Variants in PLCE1 observed in about 807,000 individuals in gnomAD.
PLCE1 encodes 1-phosphatidylinositol 4,5-bisphosphate phosphodiesterase epsilon-1.
Under a neutral mutation model 242.8 loss-of-function variants are expected in PLCE1, and 119 were observed. The ratio of observed to expected loss-of-function variants is 0.49; its 90% CI spans 0.42 to 0.57. The LOEUF (loss-of-function observed/expected upper bound fraction) is 0.57, where lower values mean the gene tolerates loss of function less well. PLCE1 is among the 20% of genes least tolerant of loss of function. The probability of loss-of-function intolerance (pLI) is 0.00; values close to 1 mark genes in which losing one functional copy is unlikely to be tolerated. For missense variants in PLCE1, 2,441 were observed against 2,788.8 expected, an observed-to-expected ratio of 0.88 and a Z score of 2.81; for synonymous variants, 945 against 1,017.4, an observed-to-expected ratio of 0.93 and a Z score of 1.35.
At chr10:94,114,773 A>T (rs79043313) in intron 2 of PLCE1, among the ~76,000 whole-genome samples, 6,996 of 137,876 alleles carry the variant, frequency 0.051, 499 homozygotes, top group African/African-American at 0.19. Context: ...TTTTTTTTTT[A>T]ATACTTTAAG....
chr10:94,076,409 T>C (rs1461693540), intron 2 of PLCE1, among the ~76,000 whole-genome samples: 2 of 152,158 alleles, frequency 1.3e-5, no homozygotes, highest in African/African-American at 2.4e-5. Flanking sequence ...ATTTCTGAGA[T>C]GTTGCTTTGT....
At chr10:94,173,116 A>T in intron 4 of PLCE1, among the ~76,000 whole-genome samples, 1 of 152,194 alleles carries the variant, frequency 6.6e-6, no homozygotes, top group East Asian at 1.9e-4. Flanking sequence ...GAGAAACTGA[A>T]GTATGTGGAG....
chr10:94,004,814 C>T (rs1000599048), intron 1 of PLCE1, among the ~76,000 whole-genome samples: 2 of 152,214 alleles, frequency 1.3e-5, no homozygotes, highest in African/African-American at 4.8e-5. Context: ...AGCAACTGCC[C>T]ATCTGAGTTT....
intron 4 of PLCE1, among the ~76,000 whole-genome samples, chr10:94,180,767 G>C (rs138689093): frequency 2.6e-5 from 4 of 152,280 alleles, no homozygotes; most frequent in East Asian, 3.9e-4. Context: ...TGGGATTAAG[G>C]CCCTTGTAAA....
chr10:94,075,968 A>T (rs2135169454), intron 2 of PLCE1, among the ~76,000 whole-genome samples: 1 of 152,310 alleles, frequency 6.6e-6, no homozygotes, highest in East Asian at 1.9e-4. Flanking sequence ...CAGCCCTGTG[A>T]GGTGTTACCA....
chr10:94,043,913 C>A (rs559904975), intron 2 of PLCE1, among the ~76,000 whole-genome samples: 2 of 152,140 alleles, frequency 1.3e-5, no homozygotes, highest in African/African-American at 4.8e-5. Flanking sequence ...GAAAGAGGGG[C>A]AGAATATTTG....
At chr10:94,220,907 C>T (rs1450195778) in intron 4 of PLCE1, among the ~76,000 whole-genome samples, 1 of 152,204 alleles carries the variant, frequency 6.6e-6, no homozygotes, top group Non-Finnish European at 1.5e-5. Flanking sequence ...CTACCTCCAG[C>T]GCCGGGCTCC....
chr10:94,248,496 A>G (rs998127073), intron 8 of PLCE1, among the ~76,000 whole-genome samples: 6 of 152,168 alleles, frequency 3.9e-5, no homozygotes, highest in African/African-American at 1.4e-4. Context: ...AGGCTGAGGC[A>G]GGAGAATCGC....
chr10:94,127,505 A>T (rs2046469338), intron 2 of PLCE1, among the ~76,000 whole-genome samples: 1 of 152,168 alleles, frequency 6.6e-6, no homozygotes, highest in South Asian at 2.1e-4. Flanking sequence ...AGCAATCTCC[A>T]ATGTACAGGT....
At chr10:94,154,589 G>C (rs1019869327) in intron 3 of PLCE1, among the ~76,000 whole-genome samples, 2 of 152,050 alleles carry the variant, frequency 1.3e-5, no homozygotes, top group Admixed American at 6.6e-5. Context: ...AGAATATATA[G>C]AGAACTAAAA....
chr10:94,042,217 C>G (rs1253028849), intron 2 of PLCE1, among the ~76,000 whole-genome samples: 1 of 152,118 alleles, frequency 6.6e-6, no homozygotes, highest in Non-Finnish European at 1.5e-5. Context: ...GTGACTCACT[C>G]CCTGACGCTG....
At chr10:94,039,119 T>G (rs1175247179) in intron 2 of PLCE1, among the ~76,000 whole-genome samples, 1 of 152,214 alleles carries the variant, frequency 6.6e-6, no homozygotes, top group Non-Finnish European at 1.5e-5. Flanking sequence ...TATGCCCCAT[T>G]TTATTTATCT....
At chr10:94,184,714 A>G (rs1281078171) in intron 4 of PLCE1, among the ~76,000 whole-genome samples, 1 of 152,184 alleles carries the variant, frequency 6.6e-6, no homozygotes, top group Non-Finnish European at 1.5e-5. Flanking sequence ...GGACATGCCA[A>G]GTTAGTTTTC....
At chr10:94,238,324 T>A (rs2050390085) in intron 7 of PLCE1, among the ~76,000 whole-genome samples, 1 of 152,156 alleles carries the variant, frequency 6.6e-6, no homozygotes, top group African/African-American at 2.4e-5. Context: ...AATCTTGAAA[T>A]GTCAATGGGG....
At chr10:94,212,109 C>T (rs2049353392) in intron 4 of PLCE1, among the ~76,000 whole-genome samples, 1 of 152,178 alleles carries the variant, frequency 6.6e-6, no homozygotes, top group African/African-American at 2.4e-5. Context: ...GAGACTGAGT[C>T]TCCCTCTGTC....
At chr10:94,036,011 A>G (rs1368384327) in intron 2 of PLCE1, among the ~76,000 whole-genome samples, 1 of 152,216 alleles carries the variant, frequency 6.6e-6, no homozygotes, top group African/African-American at 2.4e-5. Context: ...GAATAAGGGC[A>G]ATGTAATGGT....
chr10:94,102,144 A>T lies in PLCE1; in HGVS notation c.1207-30030A>T, dbSNP rs1329832811. The stretch of plus-strand genomic sequence containing the variant: ...AGTAGCAACAATAAGCATCTGTTCT[A>T]TGCCAAGCATTAGGCTATGCCCATT... On this transcript the variant is annotated intron_variant, in intron 2 of 32. Coordinates refer to ENST00000371380, the MANE Select transcript of PLCE1 (RefSeq NM_016341.4). Among the ~76,000 whole-genome samples, 15 of 152,242 alleles carry T rather than the reference A, an allele frequency of 9.9e-5. 1 individual carries two copies. The highest frequency in any genetic ancestry group is 9.8e-4 in the Admixed American group (15 of 15,280).
chr10:94,168,526 G>A (rs994386470), intron 3 of PLCE1, among the ~76,000 whole-genome samples: 8 of 152,090 alleles, frequency 5.3e-5, no homozygotes, highest in East Asian at 1.9e-4. Flanking sequence ...TACTGGGACC[G>A]CCAGATTTAT....
intron 2 of PLCE1, among the ~76,000 whole-genome samples, chr10:94,115,389 T>A (rs2046091247): frequency 6.7e-6 from 1 of 149,202 alleles, no homozygotes; most frequent in African/African-American, 2.4e-5. Context: ...CACCAACAGT[T>A]AAAAGTGTTC....
Sources: gnomAD v4.1 joint callset for allele counts (sites outside exome capture counted in the v4.1 genomes callset) on GRCh38, gnomAD v4.1.1 for gene constraint, MANE v1.5 for transcripts, NCBI Gene and HGNC (gene_info 2026-07-23, HGNC 2026-07-21) for gene names.